MORF4L1: variants seen among roughly 807,000 people sequenced by gnomAD.
The protein encoded by MORF4L1 is mortality factor 4 like 1.
A neutral mutation model predicts 52.9 loss-of-function variants in MORF4L1; 4 were observed. The ratio of observed to expected loss-of-function variants is 0.08; its 90% CI spans 0.04 to 0.17. The LOEUF (loss-of-function observed/expected upper bound fraction) is 0.17. Among genes scored for constraint, MORF4L1 ranks in the 10% least tolerant of loss-of-function variants. MORF4L1 has a pLI of 1.00. For missense variants in MORF4L1, 214 were observed against 390.4 expected (o/e 0.55, Z 3.81); for synonymous variants, 123 against 134.8 (o/e 0.91, Z 0.61).
Position 78,886,191 on chromosome 15 carries a change from A to G in MORF4L1, c.206A>G (p.Asn69Ser), listed in dbSNP as rs1182015960. The change falls in exon 4 of 12, where the codon AAT becomes AGT. Residue 69 changes from asparagine (N) to serine (S), a missense_variant. Coordinates refer to ENST00000426013, the MANE Select transcript of MORF4L1 (RefSeq NM_006791.4). ...ESRVLKYVDT[N>S]LQKQRELQKA... ...AGAGTACTCAAATACGTGGACACCA[A>G]TTTGCAGAAACAGCGAGAACTTCAA... The G allele has an allele frequency of 7.4e-6, 12 of 1,614,188 alleles. No individual in the cohort carries two copies. Among genetic ancestry groups the G allele is most frequent in the East Asian group, 2.2e-5 (1 of 44,880 alleles).
intron 9 of MORF4L1, 42 bp downstream of exon 9, chr15:78,893,669 A>T (rs1366542076): frequency 1.3e-5 from 18 of 1,361,396 alleles, no homozygotes; most frequent in East Asian, 2.3e-5. Flanking sequence ...AAAGACATTT[A>T]AAAAAGTTTC....
intron 3 of MORF4L1, among the ~76,000 whole-genome samples, chr15:78,885,803 CTTTATT>C (rs1235239194): frequency 6.6e-6 from 1 of 152,122 alleles, no homozygotes; most frequent in African/African-American, 2.4e-5. Context: ...GACTCCTGTG[CTTTATT>C]TTTGACAATA....
chr15:78,879,756 A>G (rs2056566345), intron 2 of MORF4L1, among the ~76,000 whole-genome samples: 1 of 150,866 alleles, frequency 6.6e-6, no homozygotes, highest in African/African-American at 2.4e-5. Flanking sequence ...TGGGCAAGAT[A>G]GCAAGACTGT....
chr15:78,875,590 C>CCTGGTG (rs2056470153), intron 1 of MORF4L1, among the ~76,000 whole-genome samples: 1 of 151,728 alleles, frequency 6.6e-6, no homozygotes, highest in Non-Finnish European at 1.5e-5. Context: ...CCAGCCTGGT[C>CCTGGTG]AGCCTGGTGA....
At position 78,890,992 on chromosome 15, in the gene MORF4L1, A is replaced by G. The variant is rs764715449; in HGVS notation, c.327A>G (p.Lys109=). ...SGLQQKNVEV[K]TKKNKQKTPG... The stretch of plus-strand genomic sequence containing the variant: ...TCTTTTTTTTCTCTCCTTTTAGGAA[A>G]ACGAAAAAGAACAAACAGAAAAGTA... The change falls in exon 6 of 12, where the codon AAA becomes AAG. Residue 109 remains lysine, a synonymous_variant. Transcript: ENST00000426013. The G allele has an allele frequency of 6.8e-7, 1 of 1,460,216 alleles. No individual in the cohort carries two copies. Among genetic ancestry groups the G allele is most frequent in the East Asian group, 2.5e-5 (1 of 40,162 alleles). The allele number at this position is 1,460,216 out of a possible 1,614,324, so 90.5% of individuals were successfully genotyped here.
chr15:78,888,370 T>C (rs1436153343), intron 5 of MORF4L1, among the ~76,000 whole-genome samples: 1 of 151,650 alleles, frequency 6.6e-6, no homozygotes, highest in Non-Finnish European at 1.5e-5. Flanking sequence ...AGGAGGCCGA[T>C]GTGGGAGGGT....
In MORF4L1 at chr15:78,873,024, C is replaced by T; in HGVS notation, c.7C>T (p.Pro3Ser). 1 of 1,552,416 alleles carries T rather than the reference C, an allele frequency of 6.4e-7. No individual in the cohort carries two copies. The highest frequency in any genetic ancestry group is 8.7e-7 in the Non-Finnish European group (1 of 1,147,306). MA[P>S]KQDPKPKFQE... Reference sequence around the variant, plus strand: ...GGCGGCGAATCACTTATAAATGGCGCCGAAGCAGGACCCGAAGCCTAAATT... The same window carrying T: ...GGCGGCGAATCACTTATAAATGGCGTCGAAGCAGGACCCGAAGCCTAAATT... The change falls in exon 1 of 12, where the codon CCG becomes TCG. Residue 3 changes from proline to serine, a missense_variant. By Grantham distance (74) the Pro-to-Ser change is moderately conservative (BLOSUM62 -1). Around this residue, in one of 5 missense-constraint regions of MORF4L1, gnomAD observed 32 missense variants for 51.1 expected, o/e 0.63. Transcript: ENST00000426013.
intron 10 of MORF4L1, chr15:78,894,610 C>T (rs117462835): frequency 0.032 from 16,313 of 515,064 alleles, 492 homozygotes; most frequent in East Asian, 0.14. Flanking sequence ...GGTTTCACCA[C>T]GTTCGCCAGG....
chr15:78,880,463 G>A (rs778550971), intron 2 of MORF4L1, 49 bp from the exon 3 acceptor site: 3 of 1,387,594 alleles, frequency 2.2e-6, no homozygotes, highest in South Asian at 1.2e-5. Context: ...AAAAGGTAGT[G>A]TCTTTAAAAA....
intron 8 of MORF4L1, chr15:78,892,698 C>CT (rs1462228957): frequency 6.3e-6 from 1 of 159,132 alleles, no homozygotes; most frequent in East Asian, 1.8e-4. Context: ...CTGAATCTTA[C>CT]TAAGCGCCTG....
Position 78,886,244 on chromosome 15 carries a change from A to T in MORF4L1, c.242+17A>T, listed in dbSNP as rs2056701036. ...AGCCAATCAGTAAGTTTGTTTTGTGAACTGAATATTAAGGAGAAATGCCTG... is the reference window on the plus strand; with the variant it reads ...AGCCAATCAGTAAGTTTGTTTTGTGTACTGAATATTAAGGAGAAATGCCTG... On this transcript the variant is annotated intron_variant, in intron 4 of 11. Coordinates refer to ENST00000426013, the MANE Select transcript of MORF4L1 (RefSeq NM_006791.4). 6.3e-7 allele frequency: 1 copy of T among 1,591,866 alleles called. No homozygotes were observed. The highest frequency in any genetic ancestry group is 1.3e-5 in the African/African-American group (1 of 74,466).
chr15:78,877,351 C>T lies in MORF4L1; in HGVS notation c.41-862C>T, dbSNP rs2056514484. ...GCCAGGCTGGTCTCAAACTCCTGAC[C>T]TCAGGTGATCCAGCCACCTCGGCCT... On this transcript the variant is annotated intron_variant, in intron 1 of 11. Transcript: ENST00000426013. Among the ~76,000 whole-genome samples, 4 of 152,142 alleles carry T rather than the reference C, an allele frequency of 2.6e-5. No homozygotes were observed. In the South Asian group the frequency reaches 8.3e-4, roughly 31 times the overall value.
intron 5 of MORF4L1, among the ~76,000 whole-genome samples, chr15:78,889,964 G>T (rs1045616562): frequency 3.2e-5 from 3 of 94,672 alleles, no homozygotes; most frequent in Admixed American, 1.1e-4. Flanking sequence ...GGTGGCACAC[G>T]CCTGTAATAG....
intron 1 of MORF4L1, among the ~76,000 whole-genome samples, chr15:78,876,157 C>G (rs977867649): frequency 6.6e-6 from 1 of 151,770 alleles, no homozygotes; most frequent in Non-Finnish European, 1.5e-5. Context: ...AGGATGGTCT[C>G]GATCTCCTGA....
chr15:78,895,970 A>C (rs895729203), intron 11 of MORF4L1, among the ~76,000 whole-genome samples: 5 of 151,882 alleles, frequency 3.3e-5, no homozygotes, highest in African/African-American at 1.2e-4. Context: ...CTTTTATGTA[A>C]TTAAAAAAAA....
Position 78,897,884 on chromosome 15 carries a change from A to G in MORF4L1, c.*817A>G, listed in dbSNP as rs2056916068. ...GCTTTAGCTTTGGTACGTAGCGCTA[A>G]TCCATAGCAGCTTTGGCAGTTTGCT... On this transcript the variant is annotated 3_prime_UTR_variant, in exon 12 of 12. Coordinates refer to ENST00000426013, the MANE Select transcript of MORF4L1 (RefSeq NM_006791.4). 1 of 152,402 alleles carries G rather than the reference A, an allele frequency of 6.6e-6. No homozygotes were observed. The highest frequency in any genetic ancestry group is 1.5e-5 in the Non-Finnish European group (1 of 68,030). 9.4% of individuals were successfully genotyped at this position (152,402 alleles called of 1,614,324 possible).
chr15:78,873,945 T>C (rs2056426424), intron 1 of MORF4L1: 1 of 152,248 alleles, frequency 6.6e-6, no homozygotes, highest in South Asian at 2.1e-4. Flanking sequence ...CTCGACGTCA[T>C]TTTTTAAATG....
At chr15:78,887,423 G>A in intron 5 of MORF4L1, 74 bp downstream of exon 5, 2 of 1,292,342 alleles carry the variant, frequency 1.5e-6, no homozygotes, top group Non-Finnish European at 2.1e-6. Flanking sequence ...GTGTTAGACT[G>A]TGTTGAAGTG....
In MORF4L1 at chr15:78,888,657, G is replaced by C. The variant is rs555132374; in HGVS notation, c.323+1308G>C. Among the ~76,000 whole-genome samples the C allele has an allele frequency of 2.6e-5, 4 of 152,280 alleles. No homozygotes were observed. In the South Asian group the frequency reaches 8.3e-4, roughly 32 times the overall value. On this transcript the variant is annotated intron_variant, in intron 5 of 11. Transcript: ENST00000426013. The stretch of plus-strand genomic sequence containing the variant: ...TTGGGAGGCTGAGGTGGGAGGGATT[G>C]CTTGAGGCCAGGAGTTCTAGGCTGC...
Sources: gnomAD v4.1 joint callset for allele counts (sites outside exome capture counted in the v4.1 genomes callset) on GRCh38, gnomAD v4.1.1 for gene constraint, gnomAD v4.1.1 regional missense constraint, MANE v1.5 for transcripts, NCBI Gene and HGNC (gene_info 2026-07-23, HGNC 2026-07-21) for gene names.